Variants in ST3GAL2 observed in about 807,000 individuals in gnomAD.
ST3GAL2 encodes the protein ST3 beta-galactoside alpha-2,3-sialyltransferase 2, also known as CMP-N-acetylneuraminate-beta-galactosamide-alpha-2,3-sialyltransferase 2.
ST3GAL2 carries 16 observed loss-of-function variants against 37.5 expected under a neutral mutation model. The observed-to-expected ratio is 0.43, with a 90% CI of 0.29 to 0.65. The LOEUF is 0.65. ST3GAL2 is among the 30% of genes least tolerant of loss of function. The pLI, the probability that ST3GAL2 is intolerant of heterozygous loss-of-function variation, is 0.17. For missense variants in ST3GAL2, 383 were observed against 487.8 expected (o/e 0.79, Z 2.02); for synonymous variants, 238 against 202.9 (o/e 1.17, Z -1.47).
intron 1 of ST3GAL2, among the ~76,000 whole-genome samples, chr16:70,405,688 A>G (rs57150196): frequency 0.088 from 13,351 of 152,116 alleles, 1,953 homozygotes; most frequent in African/African-American, 0.3. Context: ...GAGGATAGAG[A>G]AGAATGGGGA....
At chr16:70,384,195 C>G (rs2047425729) in intron 4 of ST3GAL2, among the ~76,000 whole-genome samples, 1 of 152,126 alleles carries the variant, frequency 6.6e-6, no homozygotes, top group East Asian at 1.9e-4. Context: ...TGATGATACC[C>G]AAAAGGTAGA....
intron 1 of ST3GAL2, among the ~76,000 whole-genome samples, chr16:70,418,349 C>A (rs145355369): frequency 6.6e-6 from 1 of 152,148 alleles, no homozygotes. Flanking sequence ...AAAGTCAGGG[C>A]TCCTTGGCTT....
rs1174621621 is a variant in ST3GAL2 at position 70,439,022 on chromosome 16, T to C, written c.-1077A>G. Reference sequence around the variant, plus strand: ...CCGCCGCCGCCCGCGCAGAAAGCCGTCGCCGCCGCCGCCGCCGCCGCCGCC... The same window carrying C: ...CCGCCGCCGCCCGCGCAGAAAGCCGCCGCCGCCGCCGCCGCCGCCGCCGCC... On this transcript the variant is annotated 5_prime_UTR_variant, in exon 1 of 7. Coordinates refer to ENST00000342907, the MANE Select transcript of ST3GAL2 (RefSeq NM_006927.4). The C allele has an allele frequency of 1.1e-4, 18 of 157,448 alleles. No homozygotes were observed. Among genetic ancestry groups the C allele is most frequent in the African/African-American group, 2.5e-4 (10 of 39,338 alleles). 9.8% of individuals were successfully genotyped at this position (157,448 alleles called of 1,614,324 possible).
intron 1 of ST3GAL2, among the ~76,000 whole-genome samples, chr16:70,436,923 AC>A: frequency 6.6e-6 from 1 of 152,096 alleles, no homozygotes. Context: ...CCCAGGCCCT[AC>A]CCCTCAGGTC....
intron 1 of ST3GAL2, among the ~76,000 whole-genome samples, chr16:70,432,426 G>C (rs567252652): frequency 7.0e-6 from 1 of 143,448 alleles, no homozygotes; most frequent in Non-Finnish European, 1.5e-5. Context: ...AAACCACCAG[G>C]GCTCAGCTAG....
chr16:70,411,735 C>A (rs1227964743), intron 1 of ST3GAL2, among the ~76,000 whole-genome samples: 1 of 152,154 alleles, frequency 6.6e-6, no homozygotes, highest in Non-Finnish European at 1.5e-5. Context: ...TGGCTCACAC[C>A]TGTAATCCCA....
intron 1 of ST3GAL2, 47 bp from the exon 2 acceptor site, chr16:70,399,580 C>A (rs2047541614): frequency 2.5e-6 from 1 of 397,048 alleles, no homozygotes. Flanking sequence ...ATCACACGGG[C>A]ACCAGGCTTT....
At chr16:70,394,786 T>A (rs567448819) in intron 3 of ST3GAL2, among the ~76,000 whole-genome samples, 196 bp downstream of exon 3, 1 of 152,298 alleles carries the variant, frequency 6.6e-6, no homozygotes, top group Admixed American at 6.5e-5. Context: ...AAGCTTAGAT[T>A]TGGGATTCTG....
At chr16:70,396,297 T>TCA (rs2047515707) in intron 2 of ST3GAL2, among the ~76,000 whole-genome samples, 2 of 57,360 alleles carry the variant, frequency 3.5e-5, no homozygotes, top group African/African-American at 1.1e-4. Flanking sequence ...TTATTTTTAC[T>TCA]CAAAAAAAAA....
intron 1 of ST3GAL2, among the ~76,000 whole-genome samples, chr16:70,426,900 T>A (rs2047755740): frequency 6.6e-6 from 1 of 152,130 alleles, no homozygotes; most frequent in Non-Finnish European, 1.5e-5. Context: ...CAGGCTGGAG[T>A]GCAGTGGCGC....
Position 70,380,534 on chromosome 16 carries a change from G to A in ST3GAL2, c.*1155C>T, listed in dbSNP as rs1488901309. On this transcript the variant is annotated 3_prime_UTR_variant, in exon 7 of 7. Transcript: ENST00000342907. ...AGCTTCCAGGTGGAACCCCGGCCGCGAGCTTCCCAGCCCTTCTAGAGCGGG... is the reference window on the plus strand; with the variant it reads ...AGCTTCCAGGTGGAACCCCGGCCGCAAGCTTCCCAGCCCTTCTAGAGCGGG... 2.0e-5 allele frequency: 3 copies of A among 152,270 alleles called. No individual in the cohort carries two copies. The highest frequency in any genetic ancestry group is 2.1e-4 in the South Asian group (1 of 4,834). The allele number at this position is 152,270 out of a possible 1,614,324, so 9.4% of individuals were successfully genotyped here.
intron 1 of ST3GAL2, among the ~76,000 whole-genome samples, chr16:70,437,603 G>A (rs2047834493): frequency 6.6e-6 from 1 of 150,852 alleles, no homozygotes; most frequent in Admixed American, 6.7e-5. Context: ...TCTAAATCCT[G>A]AGTCCCACGA....
chr16:70,404,563 G>A (rs143658772), intron 1 of ST3GAL2, among the ~76,000 whole-genome samples: 235 of 152,304 alleles, frequency 1.5e-3, no homozygotes, highest in East Asian at 0.012. Context: ...TAGTGAGGAC[G>A]CAGAGACATT....
At position 70,428,401 on chromosome 16, in the gene ST3GAL2, C is replaced by G. The variant is rs549545424; in HGVS notation, c.-1004+10548G>C. ...ATTACAAAACTCAAGGAGTCTATCT[C>G]TTCCCTCTTATCAGACTGACCTTTG... On this transcript the variant is annotated intron_variant, in intron 1 of 6. Transcript: ENST00000342907. Among the ~76,000 whole-genome samples, 8 of 151,598 alleles carry G rather than the reference C, an allele frequency of 5.3e-5. No individual in the cohort carries two copies. In the South Asian group the frequency reaches 1.7e-3, roughly 31 times the overall value.
At chr16:70,413,560 CAAAAAAAAAAAAA>C (rs978301918) in intron 1 of ST3GAL2, among the ~76,000 whole-genome samples, 5 of 32,082 alleles carry the variant, frequency 1.6e-4, no homozygotes, top group East Asian at 1.5e-3. Context: ...ATCAAAAATA[CAAAAAAAAAAAAA>C]AAAAAAAAAA....
At chr16:70,401,818 C>T (rs528247908) in intron 1 of ST3GAL2, among the ~76,000 whole-genome samples, 1 of 151,698 alleles carries the variant, frequency 6.6e-6, no homozygotes, top group African/African-American at 2.4e-5. Context: ...CATGGTGAAA[C>T]CCCATCTCTA....
chr16:70,383,555 A>AAAAGG (rs200535533), intron 4 of ST3GAL2, among the ~76,000 whole-genome samples: 45 of 146,824 alleles, frequency 3.1e-4, no homozygotes, highest in Non-Finnish European at 4.6e-4. Context: ...GTCAAAAAAA[A>AAAAGG]AAAGGAAAGG....
rs964351943 is a variant in ST3GAL2, at chr16:70,381,505, A to G, written c.*184T>C. ...CACATGATTGGCTGGGAGAAACAGA[A>G]GCTCCGCCCGACCGCAGCGCAGATT... On this transcript the variant is annotated 3_prime_UTR_variant, in exon 7 of 7. Transcript: ENST00000342907. 27 of 678,392 alleles carry G rather than the reference A, an allele frequency of 4.0e-5. No individual in the cohort carries two copies. The African/African-American group carries it at 4.0e-4, about 10-fold the overall frequency. 42.0% of individuals were successfully genotyped at this position (678,392 alleles called of 1,614,324 possible).
At chr16:70,412,644 T>C (rs556714533) in intron 1 of ST3GAL2, among the ~76,000 whole-genome samples, 3 of 152,202 alleles carry the variant, frequency 2.0e-5, no homozygotes, top group African/African-American at 4.8e-5. Flanking sequence ...AATAAAGTTA[T>C]ATTATTATCT....
Sources: allele counts gnomAD v4.1 joint callset (sites outside exome capture counted in the v4.1 genomes callset), GRCh38; gene constraint gnomAD v4.1.1; transcripts MANE v1.5; gene names NCBI Gene and HGNC (gene_info 2026-07-23, HGNC 2026-07-21).